Variants in GRIP1 observed in about 807,000 individuals in gnomAD.
GRIP1 encodes the protein glutamate receptor-interacting protein 1.
In GRIP1, 45 loss-of-function variants were observed where a neutral mutation model predicts 129.9. The observed-to-expected ratio is 0.35, with a 90% confidence interval of 0.27 to 0.44. The LOEUF is 0.44. Ranked by LOEUF, GRIP1 falls within the 20% of genes least tolerant of loss-of-function variation. GRIP1 has a pLI of 1.00. For synonymous variants in GRIP1, 530 were observed against 520.8 expected (o/e 1.02, Z -0.24); for missense variants, 1,196 against 1,396.8 (o/e 0.86, Z 2.29).
chr12:66,509,235 C>T (rs2060623625), intron 7 of GRIP1, among the ~76,000 whole-genome samples: 1 of 152,132 alleles, frequency 6.6e-6, no homozygotes, highest in Non-Finnish European at 1.5e-5. Context: ...ACTTGAGGTT[C>T]ATTTTAGAGA....
At position 66,445,370 on chromosome 12, in the gene GRIP1, G is replaced by T. The variant is rs770437517; in HGVS notation, c.1493C>A (p.Ser498Tyr). 7 of 1,614,076 alleles carry T rather than the reference G, an allele frequency of 4.3e-6. No homozygotes were observed. Among genetic ancestry groups the T allele is most frequent in the Non-Finnish European group, 4.2e-6 (5 of 1,180,014 alleles). Residue 498 changes from serine to tyrosine, a missense_variant, in exon 12 of 25, where the codon TCT becomes TAT. By Grantham distance (144) the Ser-to-Tyr change is moderately radical. This residue lies in a region of GRIP1 where 508 missense variants were observed against 587.0 expected (regional missense o/e 0.87). Coordinates refer to ENST00000359742, the MANE Select transcript of GRIP1 (RefSeq NM_001366722.1). Reference sequence around the variant, plus strand: ...GATATAGGAAATCAGAGGTGGAGAAGAGAGAGTTTCTGTGGCAAACACACT... The same window carrying T: ...GATATAGGAAATCAGAGGTGGAGAATAGAGAGTTTCTGTGGCAAACACACT... ...QGSVFATETL[S>Y]SPPLISYIEA...
rs181015298 is a variant in GRIP1 at position 66,595,892 on chromosome 12, G to T, written c.136+955C>A. Among the ~76,000 whole-genome samples, 40 of 152,156 alleles carry T rather than the reference G, an allele frequency of 2.6e-4. 1 individual carries two copies. The South Asian group carries it at 8.1e-3, about 31-fold the overall frequency. On this transcript the variant is annotated intron_variant, in intron 2 of 24. Transcript: ENST00000359742. ...ATCATGAAGAGAGTTACTCACAAAT[G>T]GGATTCATCTTGCTCTTTATTCAAA... is the stretch of plus-strand genomic sequence containing the variant.
chr12:66,522,046 C>T (rs1256254515), intron 5 of GRIP1, among the ~76,000 whole-genome samples: 1 of 152,220 alleles, frequency 6.6e-6, no homozygotes, highest in Non-Finnish European at 1.5e-5. Flanking sequence ...AGGAGGCCTG[C>T]CTGCCTCTGT....
intron 2 of GRIP1, chr12:66,569,190 G>T: frequency 4.5e-6 from 1 of 222,726 alleles, no homozygotes; most frequent in Non-Finnish European, 8.9e-6. Flanking sequence ...TTGTAGGTGG[G>T]CATCAGTCTC....
intron 1 of GRIP1, among the ~76,000 whole-genome samples, chr12:66,662,464 A>G (rs1262283079): frequency 1.3e-5 from 2 of 152,156 alleles, no homozygotes; most frequent in African/African-American, 4.8e-5. Context: ...AGGGAACTTT[A>G]ATATATTTCT....
chr12:66,560,415 A>C (rs2062482401), intron 2 of GRIP1, among the ~76,000 whole-genome samples: 1 of 152,200 alleles, frequency 6.6e-6, no homozygotes, highest in Non-Finnish European at 1.5e-5. Context: ...TTTGTAAACT[A>C]TACATCTGAC....
In GRIP1 at chr12:66,393,169, ATTTTT is replaced by A. The variant is rs60982107; in HGVS notation, c.2130-358_2130-354del. The stretch of plus-strand genomic sequence containing the variant: ...CATGGAGCATCCTTTCTTTCTACAG[ATTTTT>A]TTTTTTTTTTTTTTTTTTTTTTGAG... On this transcript the variant is annotated intron_variant, in intron 17 of 24. Transcript: ENST00000359742. 6.0e-3 allele frequency among the ~76,000 whole-genome samples: 472 copies of A among 78,856 alleles called. 2 individuals carry two copies. The highest frequency in any genetic ancestry group is 0.024 in the African/African-American group (450 of 18,486). 51.7% of individuals were successfully genotyped at this position (78,856 alleles called of 152,430 possible).
chr12:66,440,472 T>C (rs1288234318), intron 13 of GRIP1, among the ~76,000 whole-genome samples: 1 of 152,186 alleles, frequency 6.6e-6, no homozygotes, highest in Non-Finnish European at 1.5e-5. Context: ...TCACTACTCT[T>C]CCAAGCCTCT....
intron 1 of GRIP1, among the ~76,000 whole-genome samples, chr12:66,689,104 G>A (rs990042291): frequency 2.8e-4 from 42 of 152,304 alleles, no homozygotes; most frequent in African/African-American, 8.9e-4. Flanking sequence ...GCTGGGAACT[G>A]ACCAGACGAC....
At chr12:66,488,933 T>G (rs528667619) in intron 7 of GRIP1, among the ~76,000 whole-genome samples, 3 of 152,058 alleles carry the variant, frequency 2.0e-5, no homozygotes, top group African/African-American at 7.2e-5. Flanking sequence ...AGAAATTAAT[T>G]CCCTGAATAG....
chr12:66,694,356 A>C (rs1452817552), intron 1 of GRIP1, among the ~76,000 whole-genome samples: 1 of 152,150 alleles, frequency 6.6e-6, no homozygotes, highest in Admixed American at 6.5e-5. Context: ...TTTTAGACTT[A>C]ATGAAAAGCT....
At chr12:66,780,541 A>G (rs750065295) in intron 1 of GRIP1, among the ~76,000 whole-genome samples, 2 of 152,176 alleles carry the variant, frequency 1.3e-5, no homozygotes, top group Admixed American at 1.3e-4. Context: ...GACAGGAACA[A>G]CAGCAATGGA....
At chr12:66,568,020 G>T in intron 2 of GRIP1, 1 of 205,776 alleles carries the variant, frequency 4.9e-6, no homozygotes, top group Non-Finnish European at 1.0e-5. Context: ...TTTTGATTAG[G>T]TCCAGATATC....
At chr12:66,984,796 A>G (rs192820140) in intron 1 of GRIP1, among the ~76,000 whole-genome samples, 91 of 152,318 alleles carry the variant, frequency 6.0e-4, no homozygotes, top group African/African-American at 2.1e-3. Flanking sequence ...GATGTTATTA[A>G]TAAGGCTTAT....
At chr12:66,568,767 C>T in intron 2 of GRIP1, 1 of 269,584 alleles carries the variant, frequency 3.7e-6, no homozygotes, top group African/African-American at 2.3e-5. Flanking sequence ...AGTTAGACCG[C>T]TACTAGGTGG....
chr12:66,652,047 T>G (rs1197887530), intron 1 of GRIP1, among the ~76,000 whole-genome samples: 1 of 152,108 alleles, frequency 6.6e-6, no homozygotes, highest in Non-Finnish European at 1.5e-5. Flanking sequence ...TATTCTGCCT[T>G]TTGGGAAAGG....
At chr12:66,607,859 CT>C (rs2064607603) in intron 1 of GRIP1, among the ~76,000 whole-genome samples, 1 of 152,144 alleles carries the variant, frequency 6.6e-6, no homozygotes, top group Non-Finnish European at 1.5e-5. Context: ...ACTGTCATCC[CT>C]CCTGGCCTTG....
intron 1 of GRIP1, among the ~76,000 whole-genome samples, chr12:66,860,626 C>T (rs983762566): frequency 6.6e-6 from 1 of 151,942 alleles, no homozygotes; most frequent in African/African-American, 2.4e-5. Flanking sequence ...CAACACAAGC[C>T]CAAGTCCACT....
At chr12:66,615,658 T>C (rs951091884) in intron 1 of GRIP1, among the ~76,000 whole-genome samples, 2 of 152,238 alleles carry the variant, frequency 1.3e-5, no homozygotes, top group Non-Finnish European at 2.9e-5. Flanking sequence ...TTTTTAATTT[T>C]TGAAACGGAG....
Sources: allele counts gnomAD v4.1 joint callset (sites outside exome capture counted in the v4.1 genomes callset), GRCh38; gene constraint gnomAD v4.1.1; regional missense constraint gnomAD v4.1.1; transcripts MANE v1.5; gene names NCBI Gene and HGNC (gene_info 2026-07-23, HGNC 2026-07-21).